Variants in KCNQ3 observed in about 807,000 individuals in gnomAD.
The protein encoded by KCNQ3 is potassium voltage-gated channel subfamily Q member 3.
In KCNQ3, 30 loss-of-function variants were observed where a neutral mutation model predicts 92.5. The observed-to-expected ratio is 0.32, with a 90% CI of 0.24 to 0.44. The LOEUF (loss-of-function observed/expected upper bound fraction) is 0.44. Among genes scored for constraint, KCNQ3 ranks in the 20% least tolerant of loss-of-function variants. The pLI, the probability that KCNQ3 is intolerant of heterozygous loss-of-function variation, is 1.00. For synonymous variants in KCNQ3, 450 were observed against 468.8 expected, an observed-to-expected ratio of 0.96 and a Z score of 0.52; for missense variants, 913 against 1,140.3, an observed-to-expected ratio of 0.80 and a Z score of 2.87.
At chr8:132,285,840 C>T (rs1440003228) in intron 1 of KCNQ3, among the ~76,000 whole-genome samples, 1 of 152,208 alleles carries the variant, frequency 6.6e-6, no homozygotes, top group Non-Finnish European at 1.5e-5. Context: ...GTGTTCCCAA[C>T]TGGCTGACTG....
chr8:132,166,816 A>G (rs552248777), intron 8 of KCNQ3, among the ~76,000 whole-genome samples: 1 of 152,340 alleles, frequency 6.6e-6, no homozygotes, highest in East Asian at 1.9e-4. Context: ...GGGCTACGCA[A>G]CTTCATCCTT....
chr8:132,457,644 T>C (rs559116440), intron 1 of KCNQ3, among the ~76,000 whole-genome samples: 9 of 152,238 alleles, frequency 5.9e-5, no homozygotes, highest in African/African-American at 2.2e-4. Flanking sequence ...CAGCCAGAGC[T>C]CTATCCCGGA....
intron 1 of KCNQ3, among the ~76,000 whole-genome samples, chr8:132,311,713 A>C (rs1402865286): frequency 6.6e-6 from 1 of 152,224 alleles, no homozygotes; most frequent in East Asian, 1.9e-4. Context: ...ACTTAAAGTC[A>C]AAGGAACTGA....
At chr8:132,212,775 T>C (rs1049021646) in intron 1 of KCNQ3, among the ~76,000 whole-genome samples, 1 of 152,224 alleles carries the variant, frequency 6.6e-6, no homozygotes, top group Admixed American at 6.5e-5. Context: ...TCACCTCCAC[T>C]GCTGTCACTA....
In KCNQ3 at chr8:132,141,172, C is replaced by T. The variant is rs150803363; in HGVS notation, c.1422G>A (p.Thr474=). 4 of 1,614,000 alleles carry T rather than the reference C, an allele frequency of 2.5e-6. No individual in the cohort carries two copies. Among genetic ancestry groups the T allele is most frequent in the African/African-American group, 1.3e-5 (1 of 74,904 alleles). Reference sequence around the variant, plus strand: ...AAGCGTAGGCTTTCATGCGGAAGGCCGTGCGGAAACGCTCTTTATTGTTTA... The same window carrying T: ...AAGCGTAGGCTTTCATGCGGAAGGCTGTGCGGAAACGCTCTTTATTGTTTA... The part of the protein sequence containing the change: ...VGLNNKERFR[T]AFRMKAYAFW... The change falls in exon 10 of 15, where the codon ACG becomes ACA. Residue 474 remains threonine (T), a synonymous_variant. Coordinates refer to ENST00000388996, the MANE Select transcript of KCNQ3 (RefSeq NM_004519.4).
At chr8:132,296,265 C>T (rs1246973240) in intron 1 of KCNQ3, among the ~76,000 whole-genome samples, 2 of 152,152 alleles carry the variant, frequency 1.3e-5, no homozygotes, top group East Asian at 3.9e-4. Flanking sequence ...CCTGTAAACC[C>T]TGTTTTGACT....
intron 1 of KCNQ3, chr8:132,447,192 A>G: frequency 6.5e-7 from 1 of 1,534,944 alleles, no homozygotes; most frequent in Non-Finnish European, 8.7e-7. Context: ...TGAGAATCCA[A>G]AGACTTACAT....
At chr8:132,182,858 T>C (rs991263893) in intron 3 of KCNQ3, among the ~76,000 whole-genome samples, 1 of 148,890 alleles carries the variant, frequency 6.7e-6, no homozygotes, top group Admixed American at 6.7e-5. Flanking sequence ...TATGAAAAAA[T>C]CATTAAAAAA....
chr8:132,421,323 A>G (rs1382174637), intron 1 of KCNQ3, among the ~76,000 whole-genome samples: 2 of 152,254 alleles, frequency 1.3e-5, no homozygotes, highest in African/African-American at 4.8e-5. Context: ...ATGAAATTCC[A>G]ACAGTTCATC....
At chr8:132,130,700 A>C (rs997342916) in intron 14 of KCNQ3, among the ~76,000 whole-genome samples, 10 of 152,192 alleles carry the variant, frequency 6.6e-5, no homozygotes, top group Non-Finnish European at 1.2e-4. Flanking sequence ...CTGTTAGTCT[A>C]TGTTTCTTCT....
At chr8:132,223,505 T>TTGTA (rs1814304952) in intron 1 of KCNQ3, among the ~76,000 whole-genome samples, 1 of 152,316 alleles carries the variant, frequency 6.6e-6, no homozygotes, top group South Asian at 2.1e-4. Flanking sequence ...CAATTTGTAT[T>TTGTA]AGTTATAATT....
Position 132,129,659 on chromosome 8 carries a change from T to C in KCNQ3, c.2222A>G (p.Tyr741Cys), listed in dbSNP as rs1449852296. ...AGGCAGGACCGTGGGCCTCTCCACA[T>C]ACGTTGTTGCTGAGGAAGGAGGAGT... ...QATPPSSATT[Y>C]VERPTVLPIL... Residue 741 changes from tyrosine (Y) to cysteine (C), a missense_variant, in exon 15 of 15, where the codon TAT (tyrosine) becomes TGT (cysteine). Physicochemically the swap from Tyr to Cys is radical, Grantham distance 194 (BLOSUM62 -2). This residue lies in a region of KCNQ3 where 375 missense variants were observed against 376.4 expected (regional missense o/e 1.00). Transcript: ENST00000388996. This position sits in a 1 kb window ranked among gnomAD's most constrained non-coding sequence, Gnocchi z 5.9. 6.2e-7 allele frequency: 1 copy of C among 1,614,148 alleles called. No individual in the cohort carries two copies. The highest frequency in any genetic ancestry group is 1.1e-5 in the South Asian group (1 of 91,078).
At position 132,340,884 on chromosome 8, in the gene KCNQ3, G is replaced by C. The variant is rs147585459; in HGVS notation, c.386+139263C>G. Among the ~76,000 whole-genome samples the C allele has an allele frequency of 2.9e-3, 445 of 152,312 alleles. 7 individuals are homozygous for C. In the East Asian group the frequency reaches 0.035, roughly 12 times the overall value. On this transcript the variant is annotated intron_variant, in intron 1 of 14. Transcript: ENST00000388996. ...TGCACCTATATTGAGCACGTACTGA[G>C]AGCTAGGAACTGAGCTGGATCCCTC...
chr8:132,298,096 G>A (rs547311151), intron 1 of KCNQ3, among the ~76,000 whole-genome samples: 3 of 152,312 alleles, frequency 2.0e-5, no homozygotes, highest in South Asian at 4.1e-4. Context: ...GAGAAGAGGA[G>A]GATGAAACAG....
At chr8:132,130,108 AGTCTCAGTCT>A in intron 14 of KCNQ3, 112 bp from the exon 15 acceptor site, 1 of 1,203,818 alleles carries the variant, frequency 8.3e-7, no homozygotes, top group South Asian at 1.4e-5. Context: ...TTTGAGACGA[AGTCTCAGTCT>A]GTCACCCAGG....
At chr8:132,313,990 A>G (rs541155966) in intron 1 of KCNQ3, among the ~76,000 whole-genome samples, 3 of 152,136 alleles carry the variant, frequency 2.0e-5, no homozygotes, top group Non-Finnish European at 4.4e-5. Flanking sequence ...AGAGAGGATA[A>G]TTTTGCTCAG....
intron 1 of KCNQ3, among the ~76,000 whole-genome samples, chr8:132,349,794 C>T (rs1321868216): frequency 6.6e-6 from 1 of 152,234 alleles, no homozygotes; most frequent in Non-Finnish European, 1.5e-5. Context: ...TCAGCAGAAC[C>T]ACCCAAGCCA....
chr8:132,480,302 C>G lies in KCNQ3; in HGVS notation c.231G>C (p.Gly77=). ...CGATGCCCTGCGGGGTCCTCCGCTG[C>G]CCCTCGTCGCGGCCGCCGCCCTCCA... is the stretch of plus-strand genomic sequence containing the variant. ...LLLEGGGRDE[G]QRRTPQGIGL... is the part of the protein sequence containing the mutation. The change falls in exon 1 of 15, where the codon GGG becomes GGC. Residue 77 remains glycine, a synonymous_variant. Coordinates refer to ENST00000388996, the MANE Select transcript of KCNQ3 (RefSeq NM_004519.4). The G allele has an allele frequency of 6.2e-7, 1 of 1,604,446 alleles. No individual in the cohort carries two copies. Among genetic ancestry groups the G allele is most frequent in the Non-Finnish European group, 8.5e-7 (1 of 1,175,824 alleles).
At chr8:132,202,738 T>C (rs569047686) in intron 1 of KCNQ3, among the ~76,000 whole-genome samples, 3 of 152,158 alleles carry the variant, frequency 2.0e-5, no homozygotes, top group Non-Finnish European at 4.4e-5. Flanking sequence ...CTTTTACCAC[T>C]TGTATTACAA....
Sources: gnomAD v4.1 joint callset for allele counts (sites outside exome capture counted in the v4.1 genomes callset) on GRCh38, gnomAD v4.1.1 for gene constraint, gnomAD v4.1.1 regional missense constraint, Gnocchi (gnomAD v3.1) non-coding constraint, MANE v1.5 for transcripts, NCBI Gene and HGNC (gene_info 2026-07-23, HGNC 2026-07-21) for gene names.